The following ZNF644 variants were observed in gnomAD, a reference collection of about 807,000 sequenced individuals.
ZNF644 encodes zinc finger motif enhancer binding protein 2.
A neutral mutation model predicts 108.0 loss-of-function variants in ZNF644; 20 were observed. That is an observed-to-expected ratio of 0.19 (90% CI 0.13 to 0.27). The LOEUF (loss-of-function observed/expected upper bound fraction) is 0.27, where lower values mean the gene tolerates loss of function less well. ZNF644 is among the 10% of genes least tolerant of loss of function. The probability of loss-of-function intolerance (pLI) is 1.00; values close to 1 mark genes in which losing one functional copy is unlikely to be tolerated. For synonymous variants in ZNF644, 542 were observed against 539.1 expected (o/e 1.01, Z -0.08); for missense variants, 1,338 against 1,548.9 (o/e 0.86, Z 2.29).
At chr1:90,997,201 C>A (rs1658231524) in intron 1 of ZNF644, among the ~76,000 whole-genome samples, 1 of 151,568 alleles carries the variant, frequency 6.6e-6, no homozygotes, top group Non-Finnish European at 1.5e-5. Context: ...TAAGTGCTCA[C>A]CTCTGGCTAA....
intron 1 of ZNF644, among the ~76,000 whole-genome samples, chr1:91,010,204 A>G (rs1256123598): frequency 1.3e-5 from 2 of 150,438 alleles, no homozygotes; most frequent in Non-Finnish European, 2.9e-5. Flanking sequence ...ACCAAGGAAA[A>G]CGCTTGCATT....
chr1:90,939,699 A>G lies in ZNF644; in HGVS notation c.1655T>C (p.Val552Ala), dbSNP rs1651754778. ...ATCAGAAGTGACCATAGGGCATTTT[A>G]CCACTGCCCCATGTGCAATGCCTCG... ...CHRGIAHGAV[V>A]KCPMVTSDIA... Residue 552 changes from valine to alanine, a missense_variant, in exon 3 of 6, where the codon GTA becomes GCA. By Grantham distance (64) the Val-to-Ala change is moderately conservative (BLOSUM62 0). Around this residue, in one of 6 missense-constraint regions of ZNF644, gnomAD observed 462 missense variants for 472.6 expected, o/e 0.98. Coordinates refer to ENST00000337393, the MANE Select transcript of ZNF644 (RefSeq NM_201269.3). 1 of 1,613,902 alleles carries G rather than the reference A, an allele frequency of 6.2e-7. No individual in the cohort carries two copies. Among genetic ancestry groups the G allele is most frequent in the South Asian group, 1.1e-5 (1 of 91,086 alleles).
At chr1:90,927,573 C>G (rs1650192249) in intron 4 of ZNF644, among the ~76,000 whole-genome samples, 1 of 152,124 alleles carries the variant, frequency 6.6e-6, no homozygotes, top group Non-Finnish European at 1.5e-5. Context: ...CTTCAGTCAC[C>G]TAGAGAATTT....
intron 2 of ZNF644, among the ~76,000 whole-genome samples, chr1:90,972,049 G>A (rs920399181): frequency 9.2e-5 from 14 of 152,126 alleles, no homozygotes; most frequent in Non-Finnish European, 2.1e-4. Flanking sequence ...GAATCCAGAG[G>A]CAGAGGTTGC....
intron 1 of ZNF644, among the ~76,000 whole-genome samples, chr1:90,997,664 T>C (rs751771877): frequency 2.0e-5 from 3 of 151,974 alleles, no homozygotes; most frequent in East Asian, 1.9e-4. Flanking sequence ...GCGTTTCCAA[T>C]TGAGGTACCG....
intron 1 of ZNF644, among the ~76,000 whole-genome samples, chr1:91,002,833 G>GA (rs1322321962): frequency 1.3e-5 from 2 of 151,412 alleles, no homozygotes; most frequent in African/African-American, 2.4e-5. Flanking sequence ...AAAGTTACCA[G>GA]AAAAAAAACA....
chr1:90,937,378 T>A, intron 4 of ZNF644, 107 bp downstream of exon 4: 2 of 1,520,910 alleles, frequency 1.3e-6, no homozygotes, highest in Non-Finnish European at 9.0e-7. Flanking sequence ...AAAAGCAGCT[T>A]AAACAGGAAG....
intron 2 of ZNF644, among the ~76,000 whole-genome samples, chr1:90,949,685 T>C (rs746615489): frequency 2.6e-5 from 4 of 152,220 alleles, no homozygotes; most frequent in Non-Finnish European, 5.9e-5. Flanking sequence ...TAGTAGGTAT[T>C]ACAAGAAATA....
At chr1:90,955,773 A>G (rs1279544914) in intron 2 of ZNF644, among the ~76,000 whole-genome samples, 1 of 152,230 alleles carries the variant, frequency 6.6e-6, no homozygotes, top group Non-Finnish European at 1.5e-5. Context: ...TATCAGTAAC[A>G]AGGTTGTTTT....
At chr1:90,932,874 T>C (rs890616501) in intron 4 of ZNF644, among the ~76,000 whole-genome samples, 6 of 152,172 alleles carry the variant, frequency 3.9e-5, no homozygotes, top group African/African-American at 1.2e-4. Context: ...AATAAGACCC[T>C]AGGCTTTCTT....
intron 1 of ZNF644, among the ~76,000 whole-genome samples, chr1:90,989,393 A>G (rs182722920): frequency 2.0e-5 from 3 of 152,048 alleles, no homozygotes; most frequent in Admixed American, 6.6e-5. Context: ...TACTAAAAAA[A>G]ATAAATAGGT....
intron 2 of ZNF644, among the ~76,000 whole-genome samples, chr1:90,949,068 A>G (rs1652816134): frequency 6.6e-6 from 1 of 152,102 alleles, no homozygotes; most frequent in Admixed American, 6.5e-5. Context: ...TTACAATTTA[A>G]TCTATTGAAG....
chr1:90,993,964 T>C (rs2101611306), intron 1 of ZNF644, among the ~76,000 whole-genome samples: 1 of 152,300 alleles, frequency 6.6e-6, no homozygotes, highest in East Asian at 1.9e-4. Flanking sequence ...TACTCAACTA[T>C]TACAGTGGCC....
At position 90,916,072 on chromosome 1, in the gene ZNF644, TAGG is replaced by T. The variant is rs1377169765; in HGVS notation, c.*723_*725del. 6.6e-6 allele frequency: 1 copy of T among 152,596 alleles called. No individual in the cohort carries two copies. Among genetic ancestry groups the T allele is most frequent in the Non-Finnish European group, 1.5e-5 (1 of 67,990 alleles). 9.5% of individuals were successfully genotyped at this position (152,596 alleles called of 1,614,324 possible). On this transcript the variant is annotated 3_prime_UTR_variant, in exon 6 of 6. Transcript: ENST00000337393. ...GTAAATAGCATCTTTGTTGACAAAG[TAGG>T]AGGTAGCATGGATGCACCACTTTAT...
chr1:90,945,855 C>A (rs556382352), intron 2 of ZNF644, among the ~76,000 whole-genome samples: 4 of 151,942 alleles, frequency 2.6e-5, no homozygotes, highest in Non-Finnish European at 5.9e-5. Flanking sequence ...ATAATGCCAA[C>A]CTTTGTTGTG....
intron 1 of ZNF644, among the ~76,000 whole-genome samples, chr1:90,989,008 G>C (rs1383440357): frequency 6.6e-6 from 1 of 151,586 alleles, no homozygotes; most frequent in Non-Finnish European, 1.5e-5. Context: ...AAAAGCACAG[G>C]GAACAAAAAA....
intron 2 of ZNF644, among the ~76,000 whole-genome samples, chr1:90,964,758 G>GA (rs1418889836): frequency 6.6e-6 from 1 of 152,128 alleles, no homozygotes; most frequent in Non-Finnish European, 1.5e-5. Flanking sequence ...ATAAGACTGT[G>GA]AAGTATATTA....
At position 91,013,636 on chromosome 1, in the gene ZNF644, A is replaced by C. The variant is rs572115296; in HGVS notation, c.-18+8354T>G. On this transcript the variant is annotated intron_variant, in intron 1 of 5. Coordinates refer to ENST00000337393, the MANE Select transcript of ZNF644 (RefSeq NM_201269.3). ...TCTCAAGCATTTTCTGTTCTCAGCT[A>C]TCCTTTACGGTTCAGTTCAATTTCT... Among the ~76,000 whole-genome samples the C allele has an allele frequency of 2.0e-5, 3 of 152,188 alleles. No homozygotes were observed. In the East Asian group the frequency reaches 5.8e-4, roughly 29 times the overall value.
intron 4 of ZNF644, among the ~76,000 whole-genome samples, chr1:90,926,943 C>T (rs978660007): frequency 2.0e-5 from 3 of 152,186 alleles, no homozygotes; most frequent in African/African-American, 7.2e-5. Context: ...ACATCTTAGA[C>T]TAGCGTTCTA....
Sources: gnomAD v4.1 joint callset for allele counts (sites outside exome capture counted in the v4.1 genomes callset) on GRCh38, gnomAD v4.1.1 for gene constraint, gnomAD v4.1.1 regional missense constraint, MANE v1.5 for transcripts, NCBI Gene and HGNC (gene_info 2026-07-23, HGNC 2026-07-21) for gene names.